The following AAGAB variants were observed in gnomAD, a reference collection of about 807,000 sequenced individuals.
AAGAB encodes alpha and gamma adaptin binding protein.
In AAGAB, 38 loss-of-function variants were observed where a neutral mutation model predicts 44.1. That is an observed-to-expected ratio of 0.86 (90% CI 0.67 to 1.13). The LOEUF (loss-of-function observed/expected upper bound fraction) is 1.13, where lower values mean the gene tolerates loss of function less well. AAGAB is among the 50% of genes most tolerant of loss of function. The pLI is 0.00. For synonymous variants in AAGAB, 131 were observed against 131.8 expected (o/e 0.99, Z 0.04); for missense variants, 450 against 373.8 (o/e 1.20, Z -1.68).
intron 7 of AAGAB, among the ~76,000 whole-genome samples, chr15:67,206,937 T>C (rs1963697013): frequency 6.6e-6 from 1 of 152,052 alleles, no homozygotes; most frequent in African/African-American, 2.4e-5. Flanking sequence ...ATCCAAGCAC[T>C]TTGGGAGGTC....
Position 67,251,815 on chromosome 15 carries a change from C to T in AAGAB, c.73+2744G>A, listed in dbSNP as rs990942747. Reference sequence around the variant, plus strand: ...TCTCTTACCTCAAAATTAGAGTCAACCTGTGATTAATTTAATCCCAGCTTT... The same window carrying T: ...TCTCTTACCTCAAAATTAGAGTCAATCTGTGATTAATTTAATCCCAGCTTT... On this transcript the variant is annotated intron_variant, in intron 1 of 9. Coordinates refer to ENST00000261880, the MANE Select transcript of AAGAB (RefSeq NM_024666.5). Among the ~76,000 whole-genome samples the T allele has an allele frequency of 1.3e-5, 2 of 152,178 alleles. 1 individual carries two copies. The highest frequency in any genetic ancestry group is 4.1e-4 in the South Asian group (2 of 4,830).
In AAGAB at chr15:67,201,252, G is replaced by A. The variant is rs1252713425; in HGVS notation, c.*1569C>T. ...TCAAAGAAACACTGATGGGCTGGTG[G>A]TGAACCACAGACTCAAAGTCTTTCA... On this transcript the variant is annotated 3_prime_UTR_variant, in exon 10 of 10. Coordinates refer to ENST00000261880, the MANE Select transcript of AAGAB (RefSeq NM_024666.5). The A allele has an allele frequency of 2.0e-5, 3 of 148,422 alleles. No homozygotes were observed. Among genetic ancestry groups the A allele is most frequent in the Non-Finnish European group, 4.4e-5 (3 of 67,460 alleles). The allele number at this position is 148,422 out of a possible 1,614,324, so 9.2% of individuals were successfully genotyped here.
At chr15:67,250,853 C>T (rs1331476363) in intron 1 of AAGAB, among the ~76,000 whole-genome samples, 1 of 152,050 alleles carries the variant, frequency 6.6e-6, no homozygotes, top group Non-Finnish European at 1.5e-5. Context: ...AGTGAAACCC[C>T]GTCTCTACTA....
At chr15:67,210,340 C>A (rs930988297) in intron 5 of AAGAB, among the ~76,000 whole-genome samples, 1 of 152,034 alleles carries the variant, frequency 6.6e-6, no homozygotes, top group Admixed American at 6.5e-5. Flanking sequence ...CATGGTGAAG[C>A]CTTGTCTCTA....
chr15:67,238,479 A>G (rs1964520658), intron 1 of AAGAB, among the ~76,000 whole-genome samples: 1 of 152,216 alleles, frequency 6.6e-6, no homozygotes, highest in South Asian at 2.1e-4. Flanking sequence ...CAAAAACTAG[A>G]TCAAAGTCTA....
chr15:67,245,628 A>G (rs1357473700), intron 1 of AAGAB, among the ~76,000 whole-genome samples: 1 of 152,224 alleles, frequency 6.6e-6, no homozygotes, highest in African/African-American at 2.4e-5. Context: ...TATATTCCAA[A>G]AAGCTGCTAA....
intron 1 of AAGAB, among the ~76,000 whole-genome samples, chr15:67,238,603 T>C (rs1964523418): frequency 6.6e-6 from 1 of 151,556 alleles, no homozygotes; most frequent in Non-Finnish European, 1.5e-5. Flanking sequence ...TAAATACACA[T>C]ATAAAAGAAA....
intron 1 of AAGAB, among the ~76,000 whole-genome samples, chr15:67,247,747 T>C (rs931121867): frequency 6.6e-6 from 1 of 152,206 alleles, no homozygotes. Context: ...GGAAACAAAC[T>C]GTATACCAAT....
At chr15:67,231,067 T>C (rs1423934940) in intron 5 of AAGAB, among the ~76,000 whole-genome samples, 1 of 151,876 alleles carries the variant, frequency 6.6e-6, no homozygotes, top group Non-Finnish European at 1.5e-5. Context: ...TGAGACAGGG[T>C]CTTTCTCTGT....
chr15:67,216,210 G>A (rs1039862803), intron 5 of AAGAB, among the ~76,000 whole-genome samples: 11 of 151,918 alleles, frequency 7.2e-5, no homozygotes, highest in African/African-American at 2.4e-4. Flanking sequence ...TTGGGAGGCC[G>A]AGGCAGGAGG....
At chr15:67,253,597 T>TA (rs960029241) in intron 1 of AAGAB, among the ~76,000 whole-genome samples, 4 of 150,668 alleles carry the variant, frequency 2.7e-5, no homozygotes, top group Non-Finnish European at 4.4e-5. Context: ...CTACAAAAAA[T>TA]AAAAAAATTA....
chr15:67,250,874 A>C (rs1176429007), intron 1 of AAGAB, among the ~76,000 whole-genome samples: 1 of 152,102 alleles, frequency 6.6e-6, no homozygotes, highest in Non-Finnish European at 1.5e-5. Flanking sequence ...AAAAATACAA[A>C]AAATTACCCG....
intron 4 of AAGAB, among the ~76,000 whole-genome samples, 192 bp from the exon 5 acceptor site, chr15:67,232,089 A>G (rs1964351624): frequency 6.6e-6 from 1 of 152,028 alleles, no homozygotes; most frequent in Non-Finnish European, 1.5e-5. Context: ...CCCCATCTCT[A>G]CTAAAAAATA....
chr15:67,216,916 A>C (rs1402284773), intron 5 of AAGAB, among the ~76,000 whole-genome samples: 1 of 152,180 alleles, frequency 6.6e-6, no homozygotes, highest in Non-Finnish European at 1.5e-5. Flanking sequence ...CCCATGATTC[A>C]TTTGCTTACA....
chr15:67,207,433 T>A (rs1963711587), intron 7 of AAGAB, among the ~76,000 whole-genome samples: 1 of 152,256 alleles, frequency 6.6e-6, no homozygotes, highest in Non-Finnish European at 1.5e-5. Flanking sequence ...TCCAATCCAG[T>A]ACCAAAGGGT....
At chr15:67,219,764 T>A (rs1433716902) in intron 5 of AAGAB, among the ~76,000 whole-genome samples, 1 of 152,176 alleles carries the variant, frequency 6.6e-6, no homozygotes. Flanking sequence ...AAAATTTTTT[T>A]AAATGCACAC....
chr15:67,217,227 G>A (rs977291553), intron 5 of AAGAB, among the ~76,000 whole-genome samples: 1 of 152,242 alleles, frequency 6.6e-6, no homozygotes, highest in African/African-American at 2.4e-5. Flanking sequence ...CAATTTCATA[G>A]AAAGTAATGT....
intron 1 of AAGAB, among the ~76,000 whole-genome samples, chr15:67,237,191 CA>C (rs1301178046): frequency 6.6e-6 from 1 of 152,106 alleles, no homozygotes; most frequent in African/African-American, 2.4e-5. Flanking sequence ...TAGACAATAA[CA>C]ATCTTCTAGA....
intron 5 of AAGAB, among the ~76,000 whole-genome samples, chr15:67,229,527 T>C (rs1595998776): frequency 2.0e-5 from 3 of 148,650 alleles, no homozygotes; most frequent in Middle Eastern, 3.6e-3. Flanking sequence ...ATCAATAAAA[T>C]AGAATCTAGC....
Sources: allele counts gnomAD v4.1 joint callset (sites outside exome capture counted in the v4.1 genomes callset), GRCh38; gene constraint gnomAD v4.1.1; transcripts MANE v1.5; gene names NCBI Gene and HGNC (gene_info 2026-07-23, HGNC 2026-07-21).